COL12A1: variants seen among roughly 807,000 people sequenced by gnomAD.
The protein encoded by COL12A1 is collagen type XII alpha 1 chain, also known as collagen alpha-1(XII) chain.
A neutral mutation model predicts 349.7 loss-of-function variants in COL12A1; 114 were observed. The ratio of observed to expected loss-of-function variants is 0.33; its 90% CI spans 0.28 to 0.38. The LOEUF is 0.38. Among genes scored for constraint, COL12A1 ranks in the 10% least tolerant of loss-of-function variants. COL12A1 has a pLI of 1.00. For synonymous variants in COL12A1, 1,369 were observed against 1,329.0 expected (o/e 1.03, Z -0.66); for missense variants, 3,284 against 3,756.9 (o/e 0.87, Z 3.29).
At chr6:75,136,293 G>A (rs1380253895) in intron 31 of COL12A1, among the ~76,000 whole-genome samples, 1 of 152,138 alleles carries the variant, frequency 6.6e-6, no homozygotes. Context: ...GATTACAGTT[G>A]ATATTAAGTT....
chr6:75,166,670 T>G (rs1768327896), intron 13 of COL12A1, among the ~76,000 whole-genome samples: 1 of 152,176 alleles, frequency 6.6e-6, no homozygotes, highest in Non-Finnish European at 1.5e-5. Flanking sequence ...CAAATCTATC[T>G]GCTTCCCAGC....
rs56673281 is a variant in COL12A1 at position 75,108,057 on chromosome 6, G to A, written c.8100+961C>T. 3.1e-3 allele frequency among the ~76,000 whole-genome samples: 470 copies of A among 151,644 alleles called. 2 individuals carry two copies. Among genetic ancestry groups the A allele is most frequent in the African/African-American group, 0.011 (450 of 41,012 alleles). On this transcript the variant is annotated intron_variant, in intron 52 of 65. Transcript: ENST00000322507. ...GCTAGCTTTGCTTTTAGGACAATAG[G>A]TCTATTGATTGACATTGATTGATTG...
chr6:75,142,011 T>C, intron 27 of COL12A1, 21 bp downstream of exon 27: 1 of 1,613,716 alleles, frequency 6.2e-7, no homozygotes, highest in Non-Finnish European at 8.5e-7. Flanking sequence ...CCATTATCAG[T>C]GGAGCAGGAG....
rs2149389841 is a variant in COL12A1 at position 75,134,829 on chromosome 6, A to G, written c.5421T>C (p.Ser1807=). ...QTTTIGGRQN[S]VVLQKLKPDT... ...CTGGCTTCAGTTTCTGCAGGACCAC[A>G]CTGTTCTGCCGTCCTCCTATTGTGG... Residue 1807 remains serine (S), a synonymous_variant, in exon 32 of 66, where the codon AGT becomes AGC. Coordinates refer to ENST00000322507, the MANE Select transcript of COL12A1 (RefSeq NM_004370.6). 3.7e-6 allele frequency: 6 copies of G among 1,612,594 alleles called. No homozygotes were observed. The highest frequency in any genetic ancestry group is 5.1e-6 in the Non-Finnish European group (6 of 1,179,004).
chr6:75,124,910 T>C (rs1765937608), intron 40 of COL12A1, among the ~76,000 whole-genome samples: 1 of 152,206 alleles, frequency 6.6e-6, no homozygotes, highest in Admixed American at 6.6e-5. Context: ...TAATATTTTA[T>C]GTGAAATACA....
Position 75,119,406 on chromosome 6 carries a change from G to T in COL12A1, c.7154C>A (p.Ala2385Asp). 1 of 1,613,902 alleles carries T rather than the reference G, an allele frequency of 6.2e-7. No individual in the cohort carries two copies. The highest frequency in any genetic ancestry group is 8.5e-7 in the Non-Finnish European group (1 of 1,179,874). ...ATTCTGGAGGGCCCCAAGGGCTAGGGCCTTGTCATTGTACGTGTTCAGCTT... is the reference window on the plus strand; with the variant it reads ...ATTCTGGAGGGCCCCAAGGGCTAGGTCCTTGTCATTGTACGTGTTCAGCTT... ...EFKLNTYNDKALALGALQNIR... is the reference protein window; with the variant it reads ...EFKLNTYNDKDLALGALQNIR... Residue 2385 changes from alanine (A) to aspartate (D), a missense_variant, in exon 45 of 66, where the codon GCC (alanine) becomes GAC (aspartate). This residue lies in a region of COL12A1 where 683 missense variants were observed against 932.1 expected (regional missense o/e 0.73). Coordinates refer to ENST00000322507, the MANE Select transcript of COL12A1 (RefSeq NM_004370.6).
At chr6:75,175,475 G>C (rs1768890096) in intron 12 of COL12A1, among the ~76,000 whole-genome samples, 165 bp from the exon 13 acceptor site, 1 of 152,158 alleles carries the variant, frequency 6.6e-6, no homozygotes, top group Non-Finnish European at 1.5e-5. Context: ...AAGCATCTCT[G>C]AATCAGACCC....
chr6:75,176,976 A>G (rs938278371), intron 12 of COL12A1, among the ~76,000 whole-genome samples: 2 of 152,246 alleles, frequency 1.3e-5, no homozygotes, highest in African/African-American at 4.8e-5. Context: ...CCATTTAAAG[A>G]AAACAAGTTA....
intron 8 of COL12A1, among the ~76,000 whole-genome samples, chr6:75,184,905 G>C (rs539366939): frequency 2.0e-5 from 3 of 152,260 alleles, no homozygotes; most frequent in African/African-American, 7.2e-5. Context: ...GGAAGATATA[G>C]TTATAATTTT....
intron 60 of COL12A1, among the ~76,000 whole-genome samples, chr6:75,094,744 G>A (rs747265566): frequency 3.3e-5 from 5 of 152,054 alleles, no homozygotes; most frequent in Admixed American, 2.6e-4. Context: ...GGATGGAGGC[G>A]CTGTGCACCA....
chr6:75,186,351 A>G (rs757091836), intron 8 of COL12A1, among the ~76,000 whole-genome samples: 2 of 152,218 alleles, frequency 1.3e-5, no homozygotes, highest in Non-Finnish European at 2.9e-5. Flanking sequence ...CATGTGGTCA[A>G]CAATCATACA....
At chr6:75,108,851 A>C (rs942272459) in intron 52 of COL12A1, among the ~76,000 whole-genome samples, 167 bp downstream of exon 52, 15 of 152,324 alleles carry the variant, frequency 9.8e-5, no homozygotes, top group Admixed American at 3.9e-4. Context: ...TTCTGTGGAC[A>C]TATTTTCTCA....
At chr6:75,141,112 C>CT (rs1380942735) in intron 27 of COL12A1, among the ~76,000 whole-genome samples, 1 of 151,950 alleles carries the variant, frequency 6.6e-6, no homozygotes, top group African/African-American at 2.4e-5. Context: ...CTATTTTTGC[C>CT]TTTTTTAATG....
At chr6:75,178,142 CAGAA>C (rs1769074325) in intron 11 of COL12A1, among the ~76,000 whole-genome samples, 1 of 151,926 alleles carries the variant, frequency 6.6e-6, no homozygotes, top group South Asian at 2.1e-4. Context: ...CTATAATATC[CAGAA>C]AGAAACTAAG....
At chr6:75,154,374 T>G in intron 17 of COL12A1, 42 bp downstream of exon 17, 1 of 1,595,612 alleles carries the variant, frequency 6.3e-7, no homozygotes, top group Non-Finnish European at 8.6e-7. Context: ...TGAAATAGTT[T>G]CCTAAGTTGT....
At chr6:75,131,340 T>C (rs1766292526) in intron 35 of COL12A1, among the ~76,000 whole-genome samples, 1 of 152,208 alleles carries the variant, frequency 6.6e-6, no homozygotes, top group South Asian at 2.1e-4. Context: ...GGAGATTTTG[T>C]GTTGAAATAG....
chr6:75,149,103 T>C (rs1767352079), intron 21 of COL12A1, among the ~76,000 whole-genome samples: 1 of 152,162 alleles, frequency 6.6e-6, no homozygotes, highest in South Asian at 2.1e-4. Flanking sequence ...CTCTTTCCTT[T>C]ATAAATTACC....
chr6:75,188,765 T>C (rs1294953190), intron 7 of COL12A1, among the ~76,000 whole-genome samples: 3 of 152,156 alleles, frequency 2.0e-5, no homozygotes, highest in African/African-American at 7.2e-5. Context: ...AAGTGGTTGG[T>C]TAAACAGAGT....
chr6:75,092,642 C>T (rs1390166152), intron 60 of COL12A1, among the ~76,000 whole-genome samples: 28 of 151,030 alleles, frequency 1.9e-4, no homozygotes, highest in Non-Finnish European at 2.9e-5. Flanking sequence ...TTGCCTGAAA[C>T]TACTCCAATA....
Sources: gnomAD v4.1 joint callset for allele counts (sites outside exome capture counted in the v4.1 genomes callset) on GRCh38, gnomAD v4.1.1 for gene constraint, gnomAD v4.1.1 regional missense constraint, MANE v1.5 for transcripts, NCBI Gene and HGNC (gene_info 2026-07-23, HGNC 2026-07-21) for gene names.